MYO7B: variants seen among roughly 807,000 people sequenced by gnomAD.
MYO7B encodes myosin VIIB.
In MYO7B, 212 loss-of-function variants were observed where a neutral mutation model predicts 259.7. That is an observed-to-expected ratio of 0.82 (90% confidence interval 0.73 to 0.91). MYO7B has a LOEUF of 0.91. Among genes scored for constraint, MYO7B ranks in the 40% least tolerant of loss-of-function variants. The probability of loss-of-function intolerance (pLI) is 0.00; values close to 1 mark genes in which losing one functional copy is unlikely to be tolerated. For synonymous variants in MYO7B, 1,197 were observed against 1,166.4 expected (o/e 1.03, Z -0.54); for missense variants, 2,732 against 2,813.5 (o/e 0.97, Z 0.66).
At chr2:127,616,341 T>C (rs543238375) in intron 26 of MYO7B, among the ~76,000 whole-genome samples, 1 of 152,236 alleles carries the variant, frequency 6.6e-6, no homozygotes, top group African/African-American at 2.4e-5. Context: ...TGGGTTGTGA[T>C]AGATAAATCT....
intron 24 of MYO7B, 49 bp downstream of exon 24, chr2:127,610,065 C>G (rs1405957209): frequency 3.8e-6 from 6 of 1,586,442 alleles, no homozygotes; most frequent in Non-Finnish European, 5.1e-6. Flanking sequence ...CTACCAGGTG[C>G]CTACCAGGGC....
chr2:127,617,487 GTTTTTTTTTTTTTTT>G (rs35542480), intron 26 of MYO7B, among the ~76,000 whole-genome samples: 1 of 84,828 alleles, frequency 1.2e-5, no homozygotes, highest in Non-Finnish European at 2.2e-5. Context: ...TTGTAACGGG[GTTTTTTTTTTTTTTT>G]TTTTTTTTTT....
rs746780472 is a variant in MYO7B at position 127,592,945 on chromosome 2, A to C, written c.2144A>C (p.Gln715Pro). ...TTGCTGCCCAACGCCATGCGGATGCAGGTCAGCGCCCCTCGGGGACGGTCA... is the reference window on the plus strand; with the variant it reads ...TTGCTGCCCAACGCCATGCGGATGCCGGTCAGCGCCCCTCGGGGACGGTCA... ...GVLLPNAMRMQLQGKLRQMTL... is the reference protein window; with the variant it reads ...GVLLPNAMRMPLQGKLRQMTL... The change falls in exon 17 of 48, where the codon CAG (glutamine) becomes CCG (proline). Residue 715 changes from glutamine to proline, a missense_variant and splice_region_variant. This residue lies in a region of MYO7B where 1,906 missense variants were observed against 2,026.4 expected (regional missense o/e 0.94). Coordinates refer to ENST00000409816, the MANE Select transcript of MYO7B (RefSeq NM_001393586.1). The C allele has an allele frequency of 8.8e-6, 14 of 1,585,276 alleles. No homozygotes were observed. Among genetic ancestry groups the C allele is most frequent in the Admixed American group, 3.6e-5 (2 of 56,110 alleles).
At chr2:127,562,797 T>G (rs1410243059) in intron 2 of MYO7B, among the ~76,000 whole-genome samples, 1 of 151,986 alleles carries the variant, frequency 6.6e-6, no homozygotes, top group Non-Finnish European at 1.5e-5. Flanking sequence ...ATTTTTGCAT[T>G]TTTTTAGTAG....
Position 127,629,676 on chromosome 2 carries a change from G to C in MYO7B, c.4656G>C (p.Gly1552=). 1 of 1,612,364 alleles carries C rather than the reference G, an allele frequency of 6.2e-7. No individual in the cohort carries two copies. The highest frequency in any genetic ancestry group is 8.5e-7 in the Non-Finnish European group (1 of 1,179,440). ...CCACCCTCCTGGCCTTCAAGAAGGG[G>C]GACCTGTTGGTCCTCACAAAGAAGC... The part of the protein sequence containing the change: ...DDTTLLAFKK[G]DLLVLTKKQG... Residue 1552 remains glycine (G), a synonymous_variant, in exon 35 of 48, where the codon GGG becomes GGC. Transcript: ENST00000409816.
Position 127,559,544 on chromosome 2 carries a change from G to A in MYO7B, c.-23-156G>A. On this transcript the variant is annotated intron_variant, in intron 1 of 47. Transcript: ENST00000409816. This position sits in a 1 kb window ranked among gnomAD's most constrained non-coding sequence, Gnocchi z 4.1. ...CAGCTCTTGCACTTGGGCTAGGACT[G>A]TGACTCATTCATCCATTTATTCAGC... 1 of 672,688 alleles carries A rather than the reference G, an allele frequency of 1.5e-6. No homozygotes were observed. The allele number at this position is 672,688 out of a possible 1,614,324, so 41.7% of individuals were successfully genotyped here.
chr2:127,551,346 G>A (rs1031320578), intron 1 of MYO7B, among the ~76,000 whole-genome samples: 1 of 152,162 alleles, frequency 6.6e-6, no homozygotes, highest in Non-Finnish European at 1.5e-5. Flanking sequence ...GGGCTGGAGG[G>A]TCCCTTCCAA....
chr2:127,629,714 C>A lies in MYO7B; in HGVS notation c.4694C>A (p.Ala1565Asp). ...LVLTKKQGLL[A>D]SENWTLGQND... is the part of the protein sequence containing the mutation. ...CTCACAAAGAAGCAGGGGCTGCTGG[C>A]CTCTGAGAACTGGACCCTCGGCCAG... is the stretch of plus-strand genomic sequence containing the variant. The change falls in exon 35 of 48, where the codon GCC (alanine) becomes GAC (aspartate). Residue 1565 changes from alanine (A) to aspartate (D), a missense_variant. Ala to Asp is a moderately radical substitution (Grantham distance 126). Coordinates refer to ENST00000409816, the MANE Select transcript of MYO7B (RefSeq NM_001393586.1). 6.2e-7 allele frequency: 1 copy of A among 1,612,298 alleles called. No individual in the cohort carries two copies. Among genetic ancestry groups the A allele is most frequent in the Non-Finnish European group, 8.5e-7 (1 of 1,179,448 alleles).
intron 27 of MYO7B, 31 bp downstream of exon 27, chr2:127,620,497 G>C (rs761958645): frequency 6.6e-7 from 1 of 1,510,242 alleles, no homozygotes; most frequent in Non-Finnish European, 9.0e-7. Context: ...AGGGCGGGCA[G>C]GGGGCAGGTT....
In MYO7B at chr2:127,621,887, CT is replaced by C. The variant is rs1190271090; in HGVS notation, c.3526-94del. 6 of 1,507,368 alleles carry C rather than the reference CT, an allele frequency of 4.0e-6. No homozygotes were observed. The East Asian group carries it at 1.2e-4, about 31-fold the overall frequency. 93.4% of individuals were successfully genotyped at this position (1,507,368 alleles called of 1,614,324 possible). Reference sequence around the variant, plus strand: ...GGTGCCCCTCAATGCACATTATACACTGAGTATTATAATTCTTAAGTCCACC... The same window carrying C: ...GGTGCCCCTCAATGCACATTATACACGAGTATTATAATTCTTAAGTCCACC... On this transcript the variant is annotated intron_variant, in intron 27 of 47. Coordinates refer to ENST00000409816, the MANE Select transcript of MYO7B (RefSeq NM_001393586.1).
At chr2:127,633,230 C>T (rs755938929) in intron 39 of MYO7B, 28 bp from the exon 40 acceptor site, 2 of 1,555,304 alleles carry the variant, frequency 1.3e-6, no homozygotes, top group Non-Finnish European at 1.8e-6. Context: ...GTGGGGGTGG[C>T]ACCTGCAGCA....
Position 127,636,701 on chromosome 2 carries a change from C to T in MYO7B, c.6207+73C>T. Reference sequence around the variant, plus strand: ...CCTGTGCAGGTGGGGCTGCAGTCATCTCTGCGGTGTGTCCTGCCTCTCTCC... The same window carrying T: ...CCTGTGCAGGTGGGGCTGCAGTCATTTCTGCGGTGTGTCCTGCCTCTCTCC... On this transcript the variant is annotated intron_variant, in intron 46 of 47. Transcript: ENST00000409816. The surrounding 1 kb of genome is among the most constrained non-coding windows in gnomAD (Gnocchi z 4.5). 1 of 1,609,120 alleles carries T rather than the reference C, an allele frequency of 6.2e-7. No homozygotes were observed. Among genetic ancestry groups the T allele is most frequent in the Non-Finnish European group, 8.5e-7 (1 of 1,177,442 alleles).
At position 127,636,832 on chromosome 2, in the gene MYO7B, C is replaced by G; in HGVS notation, c.6246C>G (p.Ser2082Arg). The change falls in exon 47 of 48, where the codon AGC becomes AGG. Residue 2082 changes from serine to arginine, a missense_variant. By Grantham distance (110) the Ser-to-Arg change is moderately radical. This residue lies in a region of MYO7B where 821 missense variants were observed against 769.3 expected (regional missense o/e 1.07). Coordinates refer to ENST00000409816, the MANE Select transcript of MYO7B (RefSeq NM_001393586.1). The surrounding 1 kb of genome is among the most constrained non-coding windows in gnomAD (Gnocchi z 4.5). ...CCTATCCCTTCACCAAGATCTCCAG[C>G]TGGAGCAGCGGCAGCACCTACTTCC... ...LTTYPFTKIS[S>R]WSSGSTYFHM... 6.2e-7 allele frequency: 1 copy of G among 1,613,696 alleles called. No homozygotes were observed. The highest frequency in any genetic ancestry group is 2.2e-5 in the East Asian group (1 of 44,854).
chr2:127,589,937 T>C (rs938436316), intron 15 of MYO7B, among the ~76,000 whole-genome samples, 155 bp from the exon 16 acceptor site: 2 of 146,320 alleles, frequency 1.4e-5, no homozygotes, highest in Admixed American at 1.4e-4. Context: ...AGTGGGTGGA[T>C]GGATACATGG....
rs1246153776 is a variant in MYO7B, at chr2:127,632,402, G to A, written c.5405+1G>A. ...GCCGCCGAATCCAGAAGGTCCTGAG[G>A]TGAGCCCAGTGCCTCCAGCCCCCAG... On this transcript the variant is annotated splice_donor_variant, in intron 39 of 47. Coordinates refer to ENST00000409816, the MANE Select transcript of MYO7B (RefSeq NM_001393586.1). LOFTEE classifies it high-confidence loss of function. 1 of 1,541,836 alleles carries A rather than the reference G, an allele frequency of 6.5e-7. No individual in the cohort carries two copies. The highest frequency in any genetic ancestry group is 1.4e-5 in the African/African-American group (1 of 72,464).
chr2:127,633,739 G>T (rs944156977), intron 40 of MYO7B, among the ~76,000 whole-genome samples: 9 of 152,184 alleles, frequency 5.9e-5, no homozygotes, highest in Non-Finnish European at 1.2e-4. Flanking sequence ...GCTGCTGGGG[G>T]AACAAAGGGG....
chr2:127,633,329 G>GC lies in MYO7B; in HGVS notation c.5479dup (p.His1827ProfsTer8). 6.2e-7 allele frequency: 1 copy of GC among 1,613,058 alleles called. No homozygotes were observed. Among genetic ancestry groups the GC allele is most frequent in the South Asian group, 1.1e-5 (1 of 91,046 alleles). The stretch of plus-strand genomic sequence containing the variant: ...GCAGAGCAGAACGTCTCCCGCATCT[G>GC]CCACAAGATCTACTTCCCCAATGAC... On this transcript the variant is annotated frameshift_variant, in exon 40 of 48. Coordinates refer to ENST00000409816, the MANE Select transcript of MYO7B (RefSeq NM_001393586.1). LOFTEE classifies it high-confidence loss of function.
chr2:127,596,482 G>A lies in MYO7B; in HGVS notation c.2265G>A (p.Leu755=). Residue 755 remains leucine (L), a synonymous_variant, in exon 19 of 48, where the codon CTG becomes CTA. Transcript: ENST00000409816. ...IFLRDHQDTL[L]EVQRSQVLDR... is the part of the protein sequence containing the mutation. ...TCCAGGATCATCAGGACACTCTGCT[G>A]GAGGTACAGAGAAGCCAGGTGCTAG... 6.2e-7 allele frequency: 1 copy of A among 1,613,426 alleles called. No homozygotes were observed.
rs1680367324 is a variant in MYO7B, at chr2:127,611,089, G to A, written c.3192+1073G>A. Among the ~76,000 whole-genome samples the A allele has an allele frequency of 6.6e-6, 1 of 152,278 alleles. No individual in the cohort carries two copies. Among genetic ancestry groups the A allele is most frequent in the African/African-American group, 2.4e-5 (1 of 41,478 alleles). On this transcript the variant is annotated intron_variant, in intron 24 of 47. Transcript: ENST00000409816. This position sits in a 1 kb window ranked among gnomAD's most constrained non-coding sequence, Gnocchi z 5.4. ...GATGGTGTCATCTGAAAGCTTGACA[G>A]CTGGAGGGGCTGCTCCTAAGAGGGC...
Sources: allele counts gnomAD v4.1 joint callset (sites outside exome capture counted in the v4.1 genomes callset), GRCh38; gene constraint gnomAD v4.1.1; regional missense constraint gnomAD v4.1.1; non-coding constraint Gnocchi (gnomAD v3.1); transcripts MANE v1.5; gene names NCBI Gene and HGNC (gene_info 2026-07-23, HGNC 2026-07-21).